SLIT3: variants seen among roughly 807,000 people sequenced by gnomAD.
SLIT3 encodes slit homolog 3 protein.
In SLIT3, 68 loss-of-function variants were observed where a neutral mutation model predicts 184.0. The ratio of observed to expected loss-of-function variants is 0.37; its 90% CI spans 0.30 to 0.45. The LOEUF (loss-of-function observed/expected upper bound fraction) is 0.45. Among genes scored for constraint, SLIT3 ranks in the 20% least tolerant of loss-of-function variants. The probability of loss-of-function intolerance (pLI) is 1.00; values close to 1 mark genes in which losing one functional copy is unlikely to be tolerated. For missense variants in SLIT3, 1,707 were observed against 2,026.0 expected (o/e 0.84, Z 3.02); for synonymous variants, 831 against 828.6 (o/e 1.00, Z -0.05).
chr5:169,108,520 T>C (rs905882128), intron 4 of SLIT3, among the ~76,000 whole-genome samples: 5 of 152,120 alleles, frequency 3.3e-5, no homozygotes, highest in African/African-American at 1.2e-4. Context: ...AAAGGAGAGA[T>C]TGGCTCAATT....
At chr5:168,715,505 T>C (rs1364149433) in intron 23 of SLIT3, among the ~76,000 whole-genome samples, 1 of 152,158 alleles carries the variant, frequency 6.6e-6, no homozygotes, top group African/African-American at 2.4e-5. Flanking sequence ...TCTGGGGCTC[T>C]CTCTGGAACG....
At chr5:168,914,763 C>T (rs1011461025) in intron 4 of SLIT3, among the ~76,000 whole-genome samples, 2 of 152,060 alleles carry the variant, frequency 1.3e-5, no homozygotes, top group Non-Finnish European at 2.9e-5. Flanking sequence ...GCTACAAACT[C>T]ACATACTCAC....
intron 4 of SLIT3, among the ~76,000 whole-genome samples, chr5:169,187,412 C>G (rs1763390227): frequency 1.3e-5 from 2 of 151,990 alleles, no homozygotes; most frequent in Admixed American, 1.3e-4. Context: ...CGGCCGGCAG[C>G]AGCTATAAGT....
At chr5:169,153,339 A>T (rs940278010) in intron 4 of SLIT3, among the ~76,000 whole-genome samples, 1 of 152,048 alleles carries the variant, frequency 6.6e-6, no homozygotes, top group African/African-American at 2.4e-5. Context: ...GAAATTCACA[A>T]CTGCCATGTG....
intron 4 of SLIT3, among the ~76,000 whole-genome samples, chr5:169,192,423 C>CTGTGTG (rs3038088): frequency 0.022 from 3,321 of 148,244 alleles, 34 homozygotes; most frequent in Middle Eastern, 0.035. Flanking sequence ...TATATAGTCT[C>CTGTGTG]TGTGTGTGTG....
chr5:169,261,424 C>T (rs909562795), intron 1 of SLIT3, among the ~76,000 whole-genome samples: 2 of 152,168 alleles, frequency 1.3e-5, no homozygotes, highest in African/African-American at 4.8e-5. Context: ...AAGAGAAACA[C>T]AGATCTTTCT....
At chr5:169,009,730 A>T (rs1308124216) in intron 4 of SLIT3, among the ~76,000 whole-genome samples, 1 of 152,250 alleles carries the variant, frequency 6.6e-6, no homozygotes, top group Non-Finnish European at 1.5e-5. Context: ...GACATCAGAC[A>T]TGATAAAGTA....
At position 168,686,997 on chromosome 5, in the gene SLIT3, G is replaced by T. The variant is rs747954140; in HGVS notation, c.3296C>A (p.Thr1099Asn). The T allele has an allele frequency of 3.7e-6, 6 of 1,614,046 alleles. No individual in the cohort carries two copies. The highest frequency in any genetic ancestry group is 2.7e-5 in the African/African-American group (2 of 74,960). The change falls in exon 30 of 36, where the codon ACC (threonine) becomes AAC (asparagine). Residue 1099 changes from threonine to asparagine, a missense_variant. Thr to Asn is a moderately conservative substitution (Grantham distance 65). Coordinates refer to ENST00000519560, the MANE Select transcript of SLIT3 (RefSeq NM_003062.4). Reference sequence around the variant, plus strand: ...GCCTTACCTGAAGCCCTGGGGGCAGGTGCATGTGTAGCCATTGATTGTGTC... The same window carrying T: ...GCCTTACCTGAAGCCCTGGGGGCAGTTGCATGTGTAGCCATTGATTGTGTC... ...CVDTINGYTC[T>N]CPQGFSGPFC... is the part of the protein sequence containing the mutation.
chr5:169,070,536 G>A (rs1478565074), intron 4 of SLIT3, among the ~76,000 whole-genome samples: 1 of 152,174 alleles, frequency 6.6e-6, no homozygotes, highest in African/African-American at 2.4e-5. Flanking sequence ...TGCCAGTCGA[G>A]ATGACCTTTA....
Position 169,300,819 on chromosome 5 carries a change from T to G in SLIT3, c.-110A>C, listed in dbSNP as rs1767660171. 1 of 1,126,910 alleles carries G rather than the reference T, an allele frequency of 8.9e-7. No individual in the cohort carries two copies. Among genetic ancestry groups the G allele is most frequent in the Admixed American group, 4.4e-5 (1 of 22,550 alleles). 69.8% of individuals were successfully genotyped at this position (1,126,910 alleles called of 1,614,324 possible). A position where few individuals can be genotyped will look rare whatever the true frequency, so the allele number is the denominator to read the frequency against. ...CGGCCTGGGGAGCGGGCGGCGGAGT[T>G]AGCGCGGAGGAGGGGCGAGCTCGGT... On this transcript the variant is annotated 5_prime_UTR_variant, in exon 1 of 36. Transcript: ENST00000519560. This position sits in a 1 kb window ranked among gnomAD's most constrained non-coding sequence, Gnocchi z 4.1.
intron 3 of SLIT3, among the ~76,000 whole-genome samples, chr5:169,213,435 A>T (rs556432064): frequency 1.3e-5 from 2 of 152,318 alleles, no homozygotes; most frequent in East Asian, 3.9e-4. Flanking sequence ...ACTACTTTAA[A>T]CTTCATATAG....
intron 4 of SLIT3, among the ~76,000 whole-genome samples, chr5:168,884,505 TA>T (rs1256663145): frequency 3.2e-4 from 13 of 41,256 alleles, no homozygotes; most frequent in East Asian, 2.2e-3. Flanking sequence ...AATATTAAGG[TA>T]AAAAAAAAAC....
chr5:169,254,014 A>G (rs928291531), intron 1 of SLIT3, among the ~76,000 whole-genome samples: 1 of 152,012 alleles, frequency 6.6e-6, no homozygotes, highest in Non-Finnish European at 1.5e-5. Flanking sequence ...GCCTCTGCCC[A>G]CCTCCCAAAC....
chr5:168,858,127 C>T (rs912236666), intron 5 of SLIT3, among the ~76,000 whole-genome samples: 4 of 152,272 alleles, frequency 2.6e-5, no homozygotes, highest in South Asian at 2.1e-4. Flanking sequence ...TTTTAGAAAG[C>T]GAAGGCTAGA....
In SLIT3 at chr5:169,262,245, G is replaced by A. The variant is rs186334388; in HGVS notation, c.198-10786C>T. 2.0e-5 allele frequency among the ~76,000 whole-genome samples: 3 copies of A among 152,308 alleles called. No homozygotes were observed. The East Asian group carries it at 5.8e-4, about 29-fold the overall frequency. ...AGATAGGCCACCACAAATAAACAAGGAGACTACAGACTGCAATATGGGCAT... is the reference window on the plus strand; with the variant it reads ...AGATAGGCCACCACAAATAAACAAGAAGACTACAGACTGCAATATGGGCAT... On this transcript the variant is annotated intron_variant, in intron 1 of 35. Transcript: ENST00000519560.
chr5:168,716,941 C>T (rs2113348714), intron 23 of SLIT3, among the ~76,000 whole-genome samples: 1 of 145,622 alleles, frequency 6.9e-6, no homozygotes, highest in East Asian at 2.0e-4. Flanking sequence ...CATCTCTTCC[C>T]ACTCCTGCCC....
chr5:168,684,604 G>A (rs1368376208), intron 31 of SLIT3, among the ~76,000 whole-genome samples: 1 of 151,902 alleles, frequency 6.6e-6, no homozygotes, highest in East Asian at 1.9e-4. Flanking sequence ...TGAGTAGCTG[G>A]GACTACGGGT....
intron 7 of SLIT3, 46 bp downstream of exon 7, chr5:168,823,214 G>A (rs373180737): frequency 2.6e-5 from 38 of 1,454,900 alleles, no homozygotes; most frequent in East Asian, 1.4e-4. Context: ...CACTTTGGGC[G>A]TGAGGTAGGG....
intron 16 of SLIT3, among the ~76,000 whole-genome samples, chr5:168,758,665 T>C (rs933220178): frequency 1.3e-5 from 2 of 152,142 alleles, no homozygotes; most frequent in African/African-American, 2.4e-5. Context: ...GCTGGAGCCA[T>C]GACCAAGGTG....
Sources: allele counts gnomAD v4.1 joint callset (sites outside exome capture counted in the v4.1 genomes callset), GRCh38; gene constraint gnomAD v4.1.1; non-coding constraint Gnocchi (gnomAD v3.1); transcripts MANE v1.5; gene names NCBI Gene and HGNC (gene_info 2026-07-23, HGNC 2026-07-21).